The following DIPK1A variants were observed in gnomAD, a reference collection of about 807,000 sequenced individuals.
The protein encoded by DIPK1A is family with sequence similarity 69 member A.
A neutral mutation model predicts 40.8 loss-of-function variants in DIPK1A; 27 were observed. The ratio of observed to expected loss-of-function variants is 0.66; its 90% confidence interval spans 0.49 to 0.91. The LOEUF (loss-of-function observed/expected upper bound fraction) is 0.91, where lower values mean the gene tolerates loss of function less well. Ranked by LOEUF, DIPK1A falls within the 40% of genes least tolerant of loss-of-function variation. The pLI, the probability that DIPK1A is intolerant of heterozygous loss-of-function variation, is 0.00. For synonymous variants in DIPK1A, 166 were observed against 171.3 expected (o/e 0.97, Z 0.24); for missense variants, 412 against 505.7 (o/e 0.81, Z 1.78).
chr1:92,887,611 ACT>A (rs761604384), intron 1 of DIPK1A, among the ~76,000 whole-genome samples: 11 of 152,152 alleles, frequency 7.2e-5, no homozygotes, highest in Non-Finnish European at 1.5e-4. Context: ...GAATAGTGGA[ACT>A]CCAGCTGACC....
chr1:92,859,377 C>A (rs1688095168), intron 2 of DIPK1A, among the ~76,000 whole-genome samples: 1 of 152,142 alleles, frequency 6.6e-6, no homozygotes. Flanking sequence ...CTCTCTCTCT[C>A]AGCCATTAAA....
At chr1:92,953,606 ATGGG>A (rs1367041662) in intron 1 of DIPK1A, among the ~76,000 whole-genome samples, 1 of 152,246 alleles carries the variant, frequency 6.6e-6, no homozygotes, top group African/African-American at 2.4e-5. Flanking sequence ...CATAATCTAC[ATGGG>A]TGACATTATG....
At chr1:92,955,522 C>G (rs1571156161) in intron 1 of DIPK1A, among the ~76,000 whole-genome samples, 3 of 150,486 alleles carry the variant, frequency 2.0e-5, no homozygotes, top group Non-Finnish European at 3.0e-5. Context: ...CACAGTGAAG[C>G]CCCGTCTCTG....
chr1:92,876,232 T>C (rs1010580722), intron 2 of DIPK1A, 64 bp downstream of exon 2: 1 of 995,998 alleles, frequency 1.0e-6, no homozygotes, highest in Non-Finnish European at 1.4e-6. Context: ...TTAGTAAGTA[T>C]GTAAGCAGTA....
intron 1 of DIPK1A, among the ~76,000 whole-genome samples, chr1:92,904,573 T>C (rs1312692520): frequency 1.3e-5 from 2 of 152,112 alleles, no homozygotes; most frequent in Non-Finnish European, 2.9e-5. Flanking sequence ...GTACACGAGA[T>C]TTTGTACAGG....
chr1:92,839,741 G>A (rs1557443379), downstream of DIPK1A, among the ~76,000 whole-genome samples: 1 of 152,204 alleles, frequency 6.6e-6, no homozygotes, highest in Non-Finnish European at 1.5e-5. Context: ...TTTAAAATGA[G>A]AAGCGCAATA....
At chr1:92,960,209 T>A (rs569611205) in intron 1 of DIPK1A, among the ~76,000 whole-genome samples, 1 of 152,202 alleles carries the variant, frequency 6.6e-6, no homozygotes, top group South Asian at 2.1e-4. Context: ...ACGCTTAATA[T>A]CATGGGTTGT....
At chr1:92,837,669 AT>A (rs3831193), downstream of DIPK1A, 10,415 of 1,561,384 alleles carry the variant, frequency 6.7e-3, 650 homozygotes, top group East Asian at 0.16. Flanking sequence ...ATATTGGTTA[AT>A]TTATGGAAAT....
intron 1 of DIPK1A, among the ~76,000 whole-genome samples, chr1:92,930,286 T>C (rs1468556702): frequency 1.3e-5 from 2 of 152,210 alleles, no homozygotes; most frequent in East Asian, 3.8e-4. Context: ...TCACCTCATA[T>C]AGCCCTTAAA....
At chr1:92,845,514 A>G (rs1687570098) in intron 4 of DIPK1A, 1 of 384,696 alleles carries the variant, frequency 2.6e-6, no homozygotes, top group Non-Finnish European at 5.0e-6. Flanking sequence ...GCTAGAAAAA[A>G]AAAAAAAAAA....
intron 1 of DIPK1A, among the ~76,000 whole-genome samples, chr1:92,955,784 T>C (rs771473882): frequency 5.9e-5 from 9 of 151,652 alleles, no homozygotes; most frequent in Non-Finnish European, 1.2e-4. Context: ...TTAATTCCTA[T>C]AATTCCAGCA....
chr1:92,841,868 C>A (rs890405972), downstream of DIPK1A: 15 of 1,608,570 alleles, frequency 9.3e-6, no homozygotes, highest in African/African-American at 9.4e-5. Context: ...AGAGCTAAAC[C>A]CAGCAATTTT....
intron 1 of DIPK1A, among the ~76,000 whole-genome samples, chr1:92,927,648 C>T (rs548615719): frequency 6.6e-6 from 1 of 152,264 alleles, no homozygotes; most frequent in South Asian, 2.1e-4. Context: ...AAAGCAAACA[C>T]GAATCAACTC....
At chr1:92,896,091 A>G (rs1649152377) in intron 1 of DIPK1A, among the ~76,000 whole-genome samples, 1 of 152,220 alleles carries the variant, frequency 6.6e-6, no homozygotes, top group Non-Finnish European at 1.5e-5. Context: ...AAAGTAATTT[A>G]TAGATTCAAT....
At chr1:92,880,153 C>G (rs888497255) in intron 1 of DIPK1A, among the ~76,000 whole-genome samples, 3 of 152,106 alleles carry the variant, frequency 2.0e-5, no homozygotes, top group African/African-American at 7.2e-5. Flanking sequence ...TGTAGCCCCC[C>G]ACAGCAAAGC....
chr1:92,880,133 C>A (rs1012409948), intron 1 of DIPK1A, among the ~76,000 whole-genome samples: 7 of 152,158 alleles, frequency 4.6e-5, no homozygotes, highest in African/African-American at 1.7e-4. Context: ...AAACATCCTG[C>A]AATGTACAAT....
At chr1:92,833,828 C>A in intron 4 of DIPK1A, 1 of 625,000 alleles carries the variant, frequency 1.6e-6, no homozygotes, top group Non-Finnish European at 2.8e-6. Flanking sequence ...GAACTTGGTA[C>A]TTTAAAAAAT....
rs190747424 is a variant in DIPK1A, at chr1:92,878,483, A to C, written c.55-2053T>G. Among the ~76,000 whole-genome samples the C allele has an allele frequency of 7.4e-3, 1,126 of 152,210 alleles. 12 individuals carry two copies. Among genetic ancestry groups the C allele is most frequent in the African/African-American group, 0.026 (1,070 of 41,520 alleles). On this transcript the variant is annotated intron_variant, in intron 1 of 4. Transcript: ENST00000370310. ...GCGAACAACTTGAGGTGAGGAGTTC[A>C]AGACCAGCCTGGCCAACATGGTAAA...
At position 92,880,419 on chromosome 1, in the gene DIPK1A, T is replaced by TA. The variant is rs1648312864; in HGVS notation, c.55-3990dup. Among the ~76,000 whole-genome samples, 4 of 152,222 alleles carry TA rather than the reference T, an allele frequency of 2.6e-5. No individual in the cohort carries two copies. The South Asian group carries it at 8.3e-4, about 32-fold the overall frequency. On this transcript the variant is annotated intron_variant, in intron 1 of 4. Coordinates refer to ENST00000370310, the MANE Select transcript of DIPK1A (RefSeq NM_001006605.5). ...ATGACACAAAATGCCAATTCTACTCTAAAAAATAGTAATAGTTTTTCTTCT... is the reference window on the plus strand; with the variant it reads ...ATGACACAAAATGCCAATTCTACTCTAAAAAAATAGTAATAGTTTTTCTTCT...
Sources: allele counts gnomAD v4.1 joint callset (sites outside exome capture counted in the v4.1 genomes callset), GRCh38; gene constraint gnomAD v4.1.1; transcripts MANE v1.5; gene names NCBI Gene and HGNC (gene_info 2026-07-23, HGNC 2026-07-21).